Variants in DACH2 observed in about 807,000 individuals in gnomAD.
DACH2 encodes the protein dachshund family transcription factor 2.
A neutral mutation model predicts 35.8 loss-of-function variants in DACH2; 17 were observed. The observed-to-expected ratio is 0.48, with a 90% confidence interval of 0.33 to 0.71. The LOEUF (loss-of-function observed/expected upper bound fraction) is 0.71, where lower values mean the gene tolerates loss of function less well. Among genes scored for constraint, DACH2 ranks in the 30% least tolerant of loss-of-function variants. The probability of loss-of-function intolerance (pLI) is 0.02; values close to 1 mark genes in which losing one functional copy is unlikely to be tolerated. For synonymous variants in DACH2, 195 were observed against 177.3 expected (o/e 1.10, Z -0.79); for missense variants, 469 against 472.7 (o/e 0.99, Z 0.07).
At chrX:86,664,440 A>G (rs1472448416) in intron 4 of DACH2, among the ~76,000 whole-genome samples, 1 of 111,189 alleles carries the variant, frequency 9.0e-6, no homozygotes, top group Non-Finnish European at 1.9e-5. Context: ...TCATGCTGTA[A>G]AGTTTGATTG....
chrX:86,372,361 C>T (rs2148096507), intron 1 of DACH2, among the ~76,000 whole-genome samples: 1 of 111,099 alleles, frequency 9.0e-6, no homozygotes, highest in South Asian at 3.8e-4. Context: ...TCAGAAATCC[C>T]ATACTTTCTT....
chrX:86,234,904 C>T (rs1421239074), intron 1 of DACH2, among the ~76,000 whole-genome samples: 1 of 111,450 alleles, frequency 9.0e-6, no homozygotes, highest in Non-Finnish European at 1.9e-5. Context: ...TGAGCCACTG[C>T]GCCCAGCCCA....
chrX:86,247,887 C>A (rs1271520838), intron 1 of DACH2, among the ~76,000 whole-genome samples: 1 of 111,128 alleles, frequency 9.0e-6, no homozygotes, highest in Non-Finnish European at 1.9e-5. Context: ...TTGGCTCAAC[C>A]TATGCAAATC....
intron 1 of DACH2, among the ~76,000 whole-genome samples, chrX:86,297,966 A>G (rs2034501530): frequency 8.9e-6 from 1 of 112,011 alleles, no homozygotes; most frequent in Non-Finnish European, 1.9e-5. Context: ...AAAACTTGAC[A>G]AGATAGTTCC....
chrX:86,423,499 C>T (rs745750563), intron 2 of DACH2, among the ~76,000 whole-genome samples: 21 of 107,590 alleles, frequency 2.0e-4, no homozygotes, highest in Admixed American at 5.3e-4. Flanking sequence ...AACCTTTGGC[C>T]CTTTTTAAAT....
intron 3 of DACH2, among the ~76,000 whole-genome samples, chrX:86,560,809 T>A: frequency 4.8e-5 from 1 of 21,017 alleles, no homozygotes; most frequent in Admixed American, 6.1e-4. Context: ...GAAGAAAACC[T>A]AGGCATTACC....
chrX:86,316,369 T>C (rs1362611194), intron 1 of DACH2, among the ~76,000 whole-genome samples: 1 of 110,502 alleles, frequency 9.0e-6, no homozygotes, highest in Non-Finnish European at 1.9e-5. Flanking sequence ...CCCAGGAGAC[T>C]CCCCACTCCT....
chrX:86,713,395 T>C (rs1009690724), intron 5 of DACH2, among the ~76,000 whole-genome samples: 1 of 111,327 alleles, frequency 9.0e-6, no homozygotes, highest in Non-Finnish European at 1.9e-5. Flanking sequence ...ATGTTCTTTT[T>C]CTGTTGTGAT....
chrX:86,577,621 A>G (rs902082306), intron 3 of DACH2, among the ~76,000 whole-genome samples: 39 of 111,664 alleles, frequency 3.5e-4, no homozygotes, highest in Non-Finnish European at 6.8e-4. Context: ...AGAATCTCCA[A>G]AGTGATGCCT....
intron 6 of DACH2, among the ~76,000 whole-genome samples, chrX:86,724,904 G>A (rs1174383884): frequency 1.8e-5 from 2 of 108,957 alleles, no homozygotes; most frequent in Non-Finnish European, 3.8e-5. Flanking sequence ...TGACTGACTG[G>A]ATTATTTCCA....
At chrX:86,831,801 CA>C (rs201305340) in intron 11 of DACH2, 126 of 81,335 alleles carry the variant, frequency 1.5e-3, no homozygotes, top group Middle Eastern at 3.8e-3. Flanking sequence ...CCATTATATA[CA>C]AAAAAAAAAG....
At chrX:86,265,718 G>A (rs1452195114) in intron 1 of DACH2, among the ~76,000 whole-genome samples, 1 of 111,764 alleles carries the variant, frequency 8.9e-6, no homozygotes, top group Non-Finnish European at 1.9e-5. Flanking sequence ...CAGGAAAAAA[G>A]AGATATATTT....
At chrX:86,468,574 C>T (rs755087655) in intron 2 of DACH2, among the ~76,000 whole-genome samples, 7 of 111,493 alleles carry the variant, frequency 6.3e-5, no homozygotes, top group Admixed American at 3.8e-4. Context: ...GAGTTTCATG[C>T]TAAAGATATA....
intron 1 of DACH2, among the ~76,000 whole-genome samples, chrX:86,252,774 T>C (rs1318704905): frequency 9.0e-6 from 1 of 111,581 alleles, no homozygotes; most frequent in African/African-American, 3.3e-5. Context: ...AGTCAGATAA[T>C]GTGATGCCTC....
chrX:86,440,472 C>T (rs1304472111), intron 2 of DACH2, among the ~76,000 whole-genome samples: 4 of 111,198 alleles, frequency 3.6e-5, no homozygotes, highest in Non-Finnish European at 5.7e-5. Flanking sequence ...ACAACTTATC[C>T]ATCCCTTTAC....
chrX:86,155,423 T>C (rs2030509882), intron 1 of DACH2, among the ~76,000 whole-genome samples: 1 of 111,014 alleles, frequency 9.0e-6, no homozygotes, highest in Admixed American at 9.7e-5. Context: ...GCTTTTATAG[T>C]TTAATTTCTT....
At chrX:86,237,282 G>C (rs1361984441) in intron 1 of DACH2, among the ~76,000 whole-genome samples, 5 of 111,482 alleles carry the variant, frequency 4.5e-5, no homozygotes, top group Non-Finnish European at 7.5e-5. Context: ...TTAATAAGTA[G>C]AAGGAGTACA....
At chrX:86,233,180 G>C (rs1443594771) in intron 1 of DACH2, among the ~76,000 whole-genome samples, 2 of 111,241 alleles carry the variant, frequency 1.8e-5, no homozygotes, top group African/African-American at 6.6e-5. Context: ...TACACACTGG[G>C]TCTATAGGAG....
chrX:86,363,677 T>A (rs2148085015), intron 1 of DACH2, among the ~76,000 whole-genome samples: 1 of 111,286 alleles, frequency 9.0e-6, no homozygotes, highest in Admixed American at 9.6e-5. Flanking sequence ...ATCATAAAAT[T>A]ATATTTTCTT....
Sources: allele counts gnomAD v4.1 joint callset (sites outside exome capture counted in the v4.1 genomes callset), GRCh38; gene constraint gnomAD v4.1.1; transcripts MANE v1.5; gene names NCBI Gene and HGNC (gene_info 2026-07-23, HGNC 2026-07-21).